Variants in MAML2 observed in about 807,000 individuals in gnomAD.
MAML2 encodes the protein mastermind like transcriptional coactivator 2.
Under a neutral mutation model 96.1 loss-of-function variants are expected in MAML2, and 22 were observed. The ratio of observed to expected loss-of-function variants is 0.23; its 90% CI spans 0.16 to 0.33. The LOEUF (loss-of-function observed/expected upper bound fraction) is 0.33, where lower values mean the gene tolerates loss of function less well. Among genes scored for constraint, MAML2 ranks in the 10% least tolerant of loss-of-function variants. The probability of loss-of-function intolerance (pLI) is 1.00; values close to 1 mark genes in which losing one functional copy is unlikely to be tolerated. For synonymous variants in MAML2, 561 were observed against 521.3 expected (o/e 1.08, Z -1.04); for missense variants, 1,367 against 1,392.4 (o/e 0.98, Z 0.29).
At chr11:96,228,817 A>T (rs1862250144) in intron 1 of MAML2, among the ~76,000 whole-genome samples, 1 of 152,192 alleles carries the variant, frequency 6.6e-6, no homozygotes, top group Non-Finnish European at 1.5e-5. Flanking sequence ...TGGTTTCTAG[A>T]CTTCATAAGC....
At chr11:96,156,621 A>T (rs1190730749) in intron 1 of MAML2, among the ~76,000 whole-genome samples, 2 of 152,204 alleles carry the variant, frequency 1.3e-5, no homozygotes, top group African/African-American at 4.8e-5. Flanking sequence ...TCCAACTAGA[A>T]AAACAAGGAT....
chr11:96,256,020 C>T (rs1862662525), intron 1 of MAML2, among the ~76,000 whole-genome samples: 1 of 151,768 alleles, frequency 6.6e-6, no homozygotes, highest in South Asian at 2.1e-4. Flanking sequence ...ATTACAAGCG[C>T]CCGCCACCAC....
chr11:96,290,254 T>C (rs1393265199), intron 1 of MAML2, among the ~76,000 whole-genome samples: 1 of 152,196 alleles, frequency 6.6e-6, no homozygotes, highest in African/African-American at 2.4e-5. Context: ...CAGTTACTCT[T>C]TCAATCCAGT....
intron 2 of MAML2, among the ~76,000 whole-genome samples, chr11:96,055,037 T>C (rs1181345014): frequency 6.6e-6 from 1 of 152,216 alleles, no homozygotes; most frequent in Non-Finnish European, 1.5e-5. Flanking sequence ...ATCTTAGCTA[T>C]CCAGCAGATG....
At chr11:96,100,391 C>T (rs1591013336) in intron 1 of MAML2, among the ~76,000 whole-genome samples, 1 of 151,884 alleles carries the variant, frequency 6.6e-6, no homozygotes, top group Middle Eastern at 3.4e-3. Flanking sequence ...CTCACTGCAA[C>T]CTCCGCCTCC....
Position 95,979,227 on chromosome 11 carries a change from C to T in MAML2, c.3192G>A (p.Gln1064=), listed in dbSNP as rs1371494013. 6.2e-7 allele frequency: 1 copy of T among 1,613,996 alleles called. No homozygotes were observed. Among genetic ancestry groups the T allele is most frequent in the South Asian group, 1.1e-5 (1 of 91,082 alleles). The change falls in exon 5 of 5, where the codon CAG becomes CAA. Residue 1064 remains glutamine, a synonymous_variant. Coordinates refer to ENST00000524717, the MANE Select transcript of MAML2 (RefSeq NM_032427.4). ...LSTQILPNLN[Q]SGTGLNQSRT... ...TCGACTGATTCAACCCTGTTCCTGACTGATTCAAATTAGGCAAAATCTGTG... is the reference window on the plus strand; with the variant it reads ...TCGACTGATTCAACCCTGTTCCTGATTGATTCAAATTAGGCAAAATCTGTG...
intron 1 of MAML2, among the ~76,000 whole-genome samples, chr11:96,167,477 AATCTAAATTCTTTCGCACAGAGCAGAAG>A (rs1299771061): frequency 2.6e-5 from 4 of 152,174 alleles, no homozygotes; most frequent in African/African-American, 9.7e-5. Flanking sequence ...CCAGAGAACT[AATCTAAATTCTTTCGCACAGAGCAGAAG>A]ATCTTTCACT....
intron 1 of MAML2, among the ~76,000 whole-genome samples, chr11:96,148,574 T>C (rs1227096588): frequency 5.3e-5 from 7 of 133,278 alleles, no homozygotes; most frequent in African/African-American, 1.7e-4. Context: ...TTTTATTTAA[T>C]GCATTGCTTT....
chr11:96,026,225 A>G lies in MAML2; in HGVS notation c.2140-34502T>C, dbSNP rs61666470. Among the ~76,000 whole-genome samples the G allele has an allele frequency of 2.9e-3, 441 of 152,348 alleles. 3 individuals carry two copies. The highest frequency in any genetic ancestry group is 0.01 in the African/African-American group (419 of 41,570). On this transcript the variant is annotated intron_variant, in intron 2 of 4. Transcript: ENST00000524717. ...ATTAGACTAAGAGTGTTCAAAGAAG[A>G]GGAATCACACTTTGGCCAGCAGTAT...
intron 1 of MAML2, among the ~76,000 whole-genome samples, chr11:96,165,687 G>T (rs117556919): frequency 2.6e-3 from 399 of 152,278 alleles, no homozygotes; most frequent in Non-Finnish European, 4.4e-3. Context: ...GATACATATC[G>T]ACAAATTGTC....
intron 1 of MAML2, among the ~76,000 whole-genome samples, chr11:96,125,659 C>A (rs1462533772): frequency 6.6e-6 from 1 of 152,152 alleles, no homozygotes; most frequent in Non-Finnish European, 1.5e-5. Flanking sequence ...ATTTATGATC[C>A]AAGCAGCTCT....
At chr11:96,070,466 G>A (rs1345783305) in intron 2 of MAML2, among the ~76,000 whole-genome samples, 4 of 152,188 alleles carry the variant, frequency 2.6e-5, no homozygotes, top group Admixed American at 6.5e-5. Flanking sequence ...GGGGTCCTGC[G>A]GTGCCTGTCA....
intron 2 of MAML2, among the ~76,000 whole-genome samples, chr11:96,078,022 A>G (rs927505369): frequency 3.9e-5 from 6 of 152,072 alleles, no homozygotes; most frequent in African/African-American, 1.4e-4. Flanking sequence ...CCTGGTCTGA[A>G]GGATTGTTCC....
At chr11:96,041,631 T>C (rs960807200) in intron 2 of MAML2, among the ~76,000 whole-genome samples, 1 of 152,136 alleles carries the variant, frequency 6.6e-6, no homozygotes, top group Non-Finnish European at 1.5e-5. Context: ...GGAGGAAGTG[T>C]GTTCCATTGC....
chr11:96,001,285 A>G (rs1429851219), intron 2 of MAML2, among the ~76,000 whole-genome samples: 1 of 152,190 alleles, frequency 6.6e-6, no homozygotes, highest in Non-Finnish European at 1.5e-5. Context: ...GTGGCCAGGA[A>G]CAAAACGTCA....
intron 1 of MAML2, among the ~76,000 whole-genome samples, chr11:96,126,911 G>C (rs35042198): frequency 2.7e-5 from 4 of 149,274 alleles, no homozygotes; most frequent in East Asian, 3.9e-4. Flanking sequence ...GACATGGGGG[G>C]GGTCAAATGG....
At chr11:96,137,436 A>C (rs1200827797) in intron 1 of MAML2, among the ~76,000 whole-genome samples, 1 of 152,256 alleles carries the variant, frequency 6.6e-6, no homozygotes, top group Non-Finnish European at 1.5e-5. Flanking sequence ...GGAAAACCCA[A>C]TTCCTTTGTC....
chr11:96,092,075 TTGCTGC>T lies in MAML2; in HGVS notation c.1950_1955del (p.Gln664_Gln665del), dbSNP rs768485776. The T allele has an allele frequency of 1.9e-6, 3 of 1,547,894 alleles. No homozygotes were observed. Among genetic ancestry groups the T allele is most frequent in the Non-Finnish European group, 2.6e-6 (3 of 1,146,096 alleles). Reference sequence around the variant, plus strand: ...GCTGCTGCTGTTGTTGCTGTTGTTGTTGCTGCTGCTGCTGCTGTTGTTGCTGCTGCT... The same window carrying T: ...GCTGCTGCTGTTGTTGCTGTTGTTGTTGCTGCTGCTGTTGTTGCTGCTGCT... On this transcript the variant is annotated inframe_deletion, in exon 2 of 5. Coordinates refer to ENST00000524717, the MANE Select transcript of MAML2 (RefSeq NM_032427.4). The surrounding 1 kb of genome is among the most constrained non-coding windows in gnomAD (Gnocchi z 4.1).
At chr11:96,076,334 GT>G (rs1859434342) in intron 2 of MAML2, among the ~76,000 whole-genome samples, 1 of 152,066 alleles carries the variant, frequency 6.6e-6, no homozygotes, top group South Asian at 2.1e-4. Context: ...CTCTTACTCT[GT>G]TTACTGTTTT....
Sources: allele counts gnomAD v4.1 joint callset (sites outside exome capture counted in the v4.1 genomes callset), GRCh38; gene constraint gnomAD v4.1.1; non-coding constraint Gnocchi (gnomAD v3.1); transcripts MANE v1.5; gene names NCBI Gene and HGNC (gene_info 2026-07-23, HGNC 2026-07-21).